The following FBXW8 variants were observed in gnomAD, a reference collection of about 807,000 sequenced individuals.
FBXW8 encodes the protein F-box and WD repeat domain containing 8, also known as F-box/WD repeat-containing protein 8.
In FBXW8, 57 loss-of-function variants were observed where a neutral mutation model predicts 65.3. That is an observed-to-expected ratio of 0.87 (90% CI 0.71 to 1.09). FBXW8 has a LOEUF of 1.09. Ranked by LOEUF, FBXW8 falls within the 50% of genes least tolerant of loss-of-function variation. The pLI, the probability that FBXW8 is intolerant of heterozygous loss-of-function variation, is 0.00. For synonymous variants in FBXW8, 308 were observed against 330.2 expected (o/e 0.93, Z 0.73); for missense variants, 777 against 814.8 (o/e 0.95, Z 0.57).
intron 8 of FBXW8, among the ~76,000 whole-genome samples, chr12:117,016,642 GT>G (rs59614258): frequency 0.076 from 10,568 of 138,318 alleles, 566 homozygotes; most frequent in African/African-American, 0.16. Flanking sequence ...TATTTGTCTG[GT>G]TTTTTTTTTT....
chr12:116,985,443 A>T, intron 6 of FBXW8, 41 bp downstream of exon 6: 7 of 1,590,160 alleles, frequency 4.4e-6, no homozygotes, highest in Non-Finnish European at 5.1e-6. Context: ...CTATTCTTAG[A>T]ATCTCTGGGT....
chr12:116,926,651 G>GT (rs1188951842), intron 1 of FBXW8, among the ~76,000 whole-genome samples: 8 of 151,818 alleles, frequency 5.3e-5, no homozygotes, highest in African/African-American at 9.7e-5. Context: ...TTTTTTTCCT[G>GT]TTTTTTTCTG....
chr12:116,988,614 T>A, intron 6 of FBXW8, 49 bp from the exon 7 acceptor site: 1 of 1,556,908 alleles, frequency 6.4e-7, no homozygotes, highest in Non-Finnish European at 8.9e-7. Context: ...ATATTTTTGA[T>A]CAAGTCAGGA....
intron 7 of FBXW8, among the ~76,000 whole-genome samples, chr12:117,001,114 G>A (rs1234849427): frequency 6.6e-6 from 1 of 152,176 alleles, no homozygotes; most frequent in Non-Finnish European, 1.5e-5. Flanking sequence ...GCATGTCCTG[G>A]GTATTACAAA....
rs202144648 is a variant in FBXW8, at chr12:117,028,170, T to G, written c.1795T>G (p.Ter599GluextTer20). 2.6e-5 allele frequency: 42 copies of G among 1,613,948 alleles called. 1 individual carries two copies. The Middle Eastern group carries it at 5.0e-4, about 19-fold the overall frequency. Residue 599 changes from the stop codon to glutamate, a stop_lost, in exon 11 of 11, where the codon TAG (stop) becomes GAG (glutamate). Coordinates refer to ENST00000652555, the MANE Select transcript of FBXW8 (RefSeq NM_153348.3). The surrounding 1 kb of genome is among the most constrained non-coding windows in gnomAD (Gnocchi z 4.1). ...ACTGGCCTTTCCCTATAACCATGTT[T>G]AGGGATGTGCCTCAGTTGGGAGCAA... ...LALAFPYNHV[*>E]
At chr12:116,943,489 T>C (rs1260684325) in intron 2 of FBXW8, among the ~76,000 whole-genome samples, 1 of 152,202 alleles carries the variant, frequency 6.6e-6, no homozygotes, top group East Asian at 1.9e-4. Context: ...GGTTAGCTAG[T>C]TATCAAATGG....
intron 8 of FBXW8, among the ~76,000 whole-genome samples, chr12:117,020,704 A>G (rs958111770): frequency 6.6e-6 from 1 of 152,168 alleles, no homozygotes; most frequent in African/African-American, 2.4e-5. Flanking sequence ...GTGGCCCTTC[A>G]GTGTGTTTGA....
At chr12:116,922,320 G>A (rs1020368087) in intron 1 of FBXW8, among the ~76,000 whole-genome samples, 1 of 151,950 alleles carries the variant, frequency 6.6e-6, no homozygotes, top group African/African-American at 2.4e-5. Flanking sequence ...GATTGTGTGG[G>A]TCTACTCCAC....
At chr12:117,012,226 C>G (rs188595422) in intron 8 of FBXW8, among the ~76,000 whole-genome samples, 2 of 147,778 alleles carry the variant, frequency 1.4e-5, no homozygotes, top group African/African-American at 2.6e-5. Context: ...AAAGGGCTCT[C>G]TGGTCAGTTT....
intron 4 of FBXW8, among the ~76,000 whole-genome samples, chr12:116,958,293 A>G (rs1883779525): frequency 6.6e-6 from 1 of 152,240 alleles, no homozygotes; most frequent in Non-Finnish European, 1.5e-5. Flanking sequence ...GCTTTTATTG[A>G]TTGGTATTCT....
intron 8 of FBXW8, among the ~76,000 whole-genome samples, chr12:117,014,127 C>G (rs1460748269): frequency 1.3e-5 from 2 of 152,124 alleles, no homozygotes; most frequent in East Asian, 3.8e-4. Flanking sequence ...TTTCCCAAAC[C>G]TTTCTTTCTG....
intron 2 of FBXW8, among the ~76,000 whole-genome samples, chr12:116,943,711 G>A (rs79403160): frequency 1.7e-4 from 26 of 152,254 alleles, no homozygotes; most frequent in African/African-American, 5.3e-4. Context: ...ATACATTCAC[G>A]TGGCATTCCA....
intron 6 of FBXW8, 181 bp downstream of exon 6, chr12:116,985,583 C>A: frequency 1.6e-6 from 1 of 606,518 alleles, no homozygotes; most frequent in Non-Finnish European, 2.8e-6. Flanking sequence ...TACCAAGAAG[C>A]CACTTCAGGC....
At chr12:117,020,102 A>T (rs1475705548) in intron 8 of FBXW8, among the ~76,000 whole-genome samples, 1 of 152,220 alleles carries the variant, frequency 6.6e-6, no homozygotes, top group Non-Finnish European at 1.5e-5. Context: ...CACGGCTGCC[A>T]GTCAGCCTGT....
intron 1 of FBXW8, among the ~76,000 whole-genome samples, chr12:116,921,669 CT>C (rs1880911891): frequency 6.6e-6 from 1 of 152,108 alleles, no homozygotes; most frequent in South Asian, 2.1e-4. Context: ...AGTTACCTTA[CT>C]TTAAAAATGT....
At chr12:117,012,755 C>A (rs1411807807) in intron 8 of FBXW8, among the ~76,000 whole-genome samples, 1 of 152,136 alleles carries the variant, frequency 6.6e-6, no homozygotes, top group East Asian at 1.9e-4. Flanking sequence ...TTTTTACAAA[C>A]CCTAGAACCT....
Position 117,024,316 on chromosome 12 carries a change from T to C in FBXW8, c.1537T>C (p.Ser513Pro). ...GAACCAGAAGCTGTGGGAGGTGTAT[T>C]CCGGGTAAGGTGCATTCTAGACACT... ...RMNQKLWEVYSGHPVQHISFS... is the reference protein window; with the variant it reads ...RMNQKLWEVYPGHPVQHISFS... The change falls in exon 9 of 11, where the codon TCC (serine) becomes CCC (proline). Residue 513 changes from serine to proline, a missense_variant. By Grantham distance (74) the Ser-to-Pro change is moderately conservative (BLOSUM62 -1). Coordinates refer to ENST00000652555, the MANE Select transcript of FBXW8 (RefSeq NM_153348.3). 6.2e-7 allele frequency: 1 copy of C among 1,614,104 alleles called. No homozygotes were observed. The highest frequency in any genetic ancestry group is 8.5e-7 in the Non-Finnish European group (1 of 1,179,982).
intron 4 of FBXW8, 138 bp from the exon 5 acceptor site, chr12:116,964,559 C>T (rs1285919908): frequency 2.3e-6 from 2 of 871,712 alleles, no homozygotes; most frequent in Non-Finnish European, 3.7e-6. Flanking sequence ...TGGAGTCACT[C>T]ATCTAAACAG....
intron 9 of FBXW8, among the ~76,000 whole-genome samples, chr12:117,027,160 C>T (rs909964438): frequency 6.6e-6 from 1 of 152,196 alleles, no homozygotes; most frequent in Non-Finnish European, 1.5e-5. Flanking sequence ...TGCCAGCATG[C>T]GTACGGGGCA....
Sources: allele counts gnomAD v4.1 joint callset (sites outside exome capture counted in the v4.1 genomes callset), GRCh38; gene constraint gnomAD v4.1.1; non-coding constraint Gnocchi (gnomAD v3.1); transcripts MANE v1.5; gene names NCBI Gene and HGNC (gene_info 2026-07-23, HGNC 2026-07-21).